Variants in SOX6 observed in about 807,000 individuals in gnomAD.
SOX6 encodes SRY-box transcription factor 6.
SOX6 carries 11 observed loss-of-function variants against 97.8 expected under a neutral mutation model. The ratio of observed to expected loss-of-function variants is 0.11; its 90% CI spans 0.07 to 0.19. The LOEUF is 0.19. SOX6 is among the 10% of genes least tolerant of loss of function. The probability of loss-of-function intolerance (pLI) is 1.00; values close to 1 mark genes in which losing one functional copy is unlikely to be tolerated. For missense variants in SOX6, 810 were observed against 1,039.5 expected, an observed-to-expected ratio of 0.78 and a Z score of 3.04; for synonymous variants, 360 against 371.4, an observed-to-expected ratio of 0.97 and a Z score of 0.35.
chr11:16,288,780 G>A (rs1351723109), intron 3 of SOX6, among the ~76,000 whole-genome samples: 2 of 151,910 alleles, frequency 1.3e-5, no homozygotes, highest in East Asian at 3.9e-4. Flanking sequence ...CTTGGACAAA[G>A]AGAAAGTATT....
intron 3 of SOX6, among the ~76,000 whole-genome samples, chr11:16,660,518 T>C (rs149983952): frequency 1.3e-5 from 2 of 152,362 alleles, no homozygotes; most frequent in East Asian, 1.9e-4. Flanking sequence ...GTGATCTATC[T>C]AGGTGAATGC....
intron 1 of SOX6, among the ~76,000 whole-genome samples, chr11:16,444,464 T>G (rs1430808514): frequency 6.6e-6 from 1 of 152,218 alleles, no homozygotes; most frequent in Non-Finnish European, 1.5e-5. Flanking sequence ...CTTACTTGTT[T>G]CTCACTAATT....
chr11:16,727,247 A>C (rs1377946318), intron 2 of SOX6, among the ~76,000 whole-genome samples: 1 of 146,158 alleles, frequency 6.8e-6, no homozygotes, highest in Non-Finnish European at 1.5e-5. Context: ...ATACAGACAC[A>C]ATTTAATATA....
intron 3 of SOX6, among the ~76,000 whole-genome samples, chr11:16,683,545 A>C (rs1385104393): frequency 1.3e-5 from 2 of 152,240 alleles, no homozygotes; most frequent in South Asian, 2.1e-4. Flanking sequence ...TAGAAAGCTG[A>C]AACTGGATCC....
intron 6 of SOX6, among the ~76,000 whole-genome samples, chr11:16,163,982 G>C (rs1205393598): frequency 1.3e-5 from 2 of 152,066 alleles, no homozygotes; most frequent in East Asian, 3.9e-4. Flanking sequence ...TCTTTTTCAG[G>C]TGTTTTGTTT....
At chr11:16,718,477 C>G (rs1303495152) in intron 2 of SOX6, among the ~76,000 whole-genome samples, 1 of 151,986 alleles carries the variant, frequency 6.6e-6, no homozygotes, top group Non-Finnish European at 1.5e-5. Context: ...CTTTGTTGAC[C>G]CCCTCTTCAG....
chr11:16,258,998 T>C (rs1234830251), intron 3 of SOX6, among the ~76,000 whole-genome samples: 3 of 151,786 alleles, frequency 2.0e-5, no homozygotes, highest in African/African-American at 7.2e-5. Context: ...AAATTAAGTT[T>C]ATTAATTTTA....
At chr11:16,220,507 C>T (rs887008058) in intron 4 of SOX6, among the ~76,000 whole-genome samples, 7 of 152,070 alleles carry the variant, frequency 4.6e-5, no homozygotes, top group East Asian at 1.9e-4. Flanking sequence ...ACATGAACTA[C>T]GCTGTAAACT....
chr11:16,101,802 GA>G, intron 7 of SOX6, among the ~76,000 whole-genome samples: 1 of 151,694 alleles, frequency 6.6e-6, no homozygotes, highest in Non-Finnish European at 1.5e-5. Flanking sequence ...AATATATGCA[GA>G]AAAAGCATTT....
At chr11:16,040,701 T>C (rs1333659668) in intron 12 of SOX6, among the ~76,000 whole-genome samples, 1 of 152,048 alleles carries the variant, frequency 6.6e-6, no homozygotes, top group Admixed American at 6.6e-5. Context: ...TAAGTAAAAT[T>C]GCGCTATCAA....
chr11:15,993,359 G>T (rs1854112445), intron 13 of SOX6, among the ~76,000 whole-genome samples: 1 of 152,122 alleles, frequency 6.6e-6, no homozygotes, highest in Admixed American at 6.5e-5. Flanking sequence ...TCAGAATCCA[G>T]AACTTGGAAT....
intron 4 of SOX6, among the ~76,000 whole-genome samples, chr11:16,191,527 A>G (rs1438906559): frequency 2.0e-5 from 3 of 152,192 alleles, no homozygotes; most frequent in Non-Finnish European, 4.4e-5. Context: ...TTGGAAAAAA[A>G]GTAAACCAAC....
At chr11:16,672,096 G>C (rs368966162) in intron 3 of SOX6, among the ~76,000 whole-genome samples, 86 of 152,316 alleles carry the variant, frequency 5.6e-4, no homozygotes, top group African/African-American at 1.9e-3. Flanking sequence ...ATAAGCAAAT[G>C]TTGAGGGAGT....
intron 1 of SOX6, among the ~76,000 whole-genome samples, chr11:16,412,272 C>T (rs2133057001): frequency 6.6e-6 from 1 of 152,290 alleles, no homozygotes; most frequent in Admixed American, 6.5e-5. Flanking sequence ...AAAACCCATA[C>T]TCCTTTATGC....
chr11:16,485,263 A>G (rs918161241), intron 4 of SOX6, among the ~76,000 whole-genome samples: 1 of 152,212 alleles, frequency 6.6e-6, no homozygotes, highest in African/African-American at 2.4e-5. Flanking sequence ...GGTGGTCAGC[A>G]TAAAAATAGT....
At chr11:16,438,686 C>G (rs1859437165) in intron 1 of SOX6, among the ~76,000 whole-genome samples, 1 of 149,396 alleles carries the variant, frequency 6.7e-6, no homozygotes. Flanking sequence ...TGGTGATACT[C>G]TTTCTACAAT....
chr11:16,552,030 C>T (rs1041065833), intron 4 of SOX6, among the ~76,000 whole-genome samples: 10 of 152,138 alleles, frequency 6.6e-5, no homozygotes, highest in African/African-American at 1.7e-4. Context: ...TCTTACACAT[C>T]TATAAGATAC....
chr11:16,099,952 A>T (rs1848901280), intron 7 of SOX6, among the ~76,000 whole-genome samples: 2 of 151,996 alleles, frequency 1.3e-5, no homozygotes, highest in South Asian at 4.1e-4. Context: ...AAATGAATAC[A>T]TTAGAGCAAC....
intron 4 of SOX6, among the ~76,000 whole-genome samples, chr11:16,558,204 T>C (rs1847769743): frequency 6.6e-6 from 1 of 151,928 alleles, no homozygotes; most frequent in Admixed American, 6.6e-5. Context: ...TAAACTCTGA[T>C]TGCTGGCAAA....
Sources: gnomAD v4.1 joint callset for allele counts (sites outside exome capture counted in the v4.1 genomes callset) on GRCh38, gnomAD v4.1.1 for gene constraint, MANE v1.5 for transcripts, NCBI Gene and HGNC (gene_info 2026-07-23, HGNC 2026-07-21) for gene names.